KANTR: variants seen among roughly 807,000 people sequenced by gnomAD.
The protein encoded by KANTR is KANTR integral membrane protein.
chrX:53,112,118 AC>A (rs1464206599), intron 2 of KANTR, among the ~76,000 whole-genome samples: 10 of 108,096 alleles, frequency 9.3e-5, no homozygotes, highest in African/African-American at 3.4e-4. Flanking sequence ...TTTATCCCTC[AC>A]CCCCTCCCAC....
At chrX:53,108,547 C>T (rs1556813231) in intron 2 of KANTR, among the ~76,000 whole-genome samples, 1 of 111,765 alleles carries the variant, frequency 8.9e-6, no homozygotes, top group Non-Finnish European at 1.9e-5. Flanking sequence ...CATAGAAATA[C>T]AATAGATTTT....
chrX:53,100,559 G>A (rs1932882353), intron 2 of KANTR, among the ~76,000 whole-genome samples: 1 of 111,309 alleles, frequency 9.0e-6, no homozygotes, highest in African/African-American at 3.3e-5. Flanking sequence ...CAGCACTTTG[G>A]GAGGCAGAGG....
chrX:53,139,151 G>A (rs1411590652), intron 2 of KANTR, among the ~76,000 whole-genome samples: 2 of 108,043 alleles, frequency 1.9e-5, no homozygotes, highest in African/African-American at 6.9e-5. Context: ...AACTCGGAAG[G>A]CAGAGGTTGC....
chrX:53,121,063 A>G (rs1281459684), intron 2 of KANTR, among the ~76,000 whole-genome samples: 6 of 110,004 alleles, frequency 5.5e-5, no homozygotes, highest in African/African-American at 1.7e-4. Context: ...CAGTGGCGCC[A>G]TCTCGGCTCA....
chrX:53,116,092 G>A (rs186268409), intron 2 of KANTR, among the ~76,000 whole-genome samples: 2 of 111,761 alleles, frequency 1.8e-5, no homozygotes, highest in Non-Finnish European at 3.8e-5. Flanking sequence ...GCATTATGTG[G>A]CCTCTGAGTT....
intron 2 of KANTR, among the ~76,000 whole-genome samples, chrX:53,136,810 C>G (rs1165848614): frequency 1.1e-5 from 1 of 90,413 alleles, no homozygotes; most frequent in South Asian, 5.9e-4. Flanking sequence ...ATGGCACAAT[C>G]TCGGCTTACC....
chrX:53,136,224 AGTTT>A (rs1933417612), intron 2 of KANTR, among the ~76,000 whole-genome samples: 1 of 110,836 alleles, frequency 9.0e-6, no homozygotes, highest in African/African-American at 3.3e-5. Context: ...AGCAACAGAG[AGTTT>A]GTTTCTTTTT....
At chrX:53,143,004 CATG>C (rs1933524944), downstream of KANTR, 4 of 1,148,678 alleles carry the variant, frequency 3.5e-6, no homozygotes, top group South Asian at 1.8e-5. Context: ...TGCCAGGGCA[CATG>C]GTGGTGCTGC....
chrX:53,143,094 G>T (rs1392536119), downstream of KANTR: 16 of 1,192,586 alleles, frequency 1.3e-5, no homozygotes, highest in Non-Finnish European at 1.8e-5. Context: ...AGGTGGTCTT[G>T]TGGATGCCGC....
At chrX:53,131,887 C>T (rs1933364506), downstream of KANTR, among the ~76,000 whole-genome samples, 1 of 111,922 alleles carries the variant, frequency 8.9e-6, no homozygotes, top group Non-Finnish European at 1.9e-5. Context: ...CTGAGTCCAC[C>T]AAAAATAAAA....
chrX:53,108,263 G>A (rs1353250863), intron 2 of KANTR, among the ~76,000 whole-genome samples: 1 of 107,432 alleles, frequency 9.3e-6, no homozygotes, highest in Admixed American at 1.0e-4. Flanking sequence ...GTGCAGTGGC[G>A]TGATCTCAGC....
At chrX:53,124,059 C>G in exon 3 of KANTR, 1 of 137,317 alleles carries the variant, frequency 7.3e-6, no homozygotes, top group Non-Finnish European at 1.2e-5. Flanking sequence ...AATCTGCCTG[C>G]TATTTTTTGT....
intron 2 of KANTR, among the ~76,000 whole-genome samples, chrX:53,119,657 A>G (rs1272425963): frequency 1.8e-5 from 2 of 112,040 alleles, no homozygotes; most frequent in African/African-American, 6.5e-5. Flanking sequence ...TGATAAAGCA[A>G]AATCTTCCCA....
In KANTR at chrX:53,097,354, T is replaced by TTTTTTG. The variant is rs1347161873; in HGVS notation, c.-941-2113_-941-2112insGTTTTT. 4.8e-5 allele frequency among the ~76,000 whole-genome samples: 4 copies of TTTTTTG among 83,537 alleles called. 1 individual carries two copies. Among genetic ancestry groups the TTTTTTG allele is most frequent in the Non-Finnish European group, 9.9e-5 (4 of 40,409 alleles). 72.5% of individuals were successfully genotyped at this position (83,537 alleles called of 115,157 possible). A position where few individuals can be genotyped will look rare whatever the true frequency, so the allele number is the denominator to read the frequency against. The stretch of plus-strand genomic sequence containing the variant: ...CCCTTTTTTCATTTGTTTTAAGTTT[T>TTTTTTG]TTTTTTTTTTTTTTTTGAGACAGAA... On this transcript the variant is annotated intron_variant, in intron 1 of 2. Transcript: ENST00000604062.
chrX:53,140,500 CAAA>C (rs782805364), intron 2 of KANTR, among the ~76,000 whole-genome samples: 2 of 42,463 alleles, frequency 4.7e-5, no homozygotes, highest in Admixed American at 2.8e-4. Context: ...GACTCTGTCT[CAAA>C]AAAAAAAAAA....
rs1219447596 is a variant in KANTR, at chrX:53,111,148, A to C, written c.-805+11540A>C. On this transcript the variant is annotated intron_variant, in intron 2 of 2. Coordinates refer to ENST00000604062, the Ensembl canonical transcript of KANTR. ...CCACCTCAGCCTCCTGAATAGCTGC[A>C]ACTAGAGGCATGCAACGACCACACC... Among the ~76,000 whole-genome samples the C allele has an allele frequency of 5.5e-5, 6 of 108,184 alleles. No individual in the cohort carries two copies. In the East Asian group the frequency reaches 1.8e-3, roughly 32 times the overall value. 93.9% of individuals were successfully genotyped at this position (108,184 alleles called of 115,157 possible).
intron 2 of KANTR, among the ~76,000 whole-genome samples, chrX:53,119,081 C>G (rs1190513645): frequency 1.1e-5 from 1 of 91,910 alleles, no homozygotes; most frequent in Non-Finnish European, 2.1e-5. Flanking sequence ...GGGTCTCACT[C>G]TTTCACCCAG....
chrX:53,131,594 CT>C (rs1474897186), downstream of KANTR, among the ~76,000 whole-genome samples: 2 of 111,949 alleles, frequency 1.8e-5, no homozygotes, highest in Non-Finnish European at 3.8e-5. Flanking sequence ...ACAAAAACCT[CT>C]TGGCAAACTA....
intron 2 of KANTR, among the ~76,000 whole-genome samples, chrX:53,141,043 C>A: frequency 8.9e-6 from 1 of 111,976 alleles, no homozygotes; most frequent in Non-Finnish European, 1.9e-5. Flanking sequence ...TGCCTATAAT[C>A]CTAGCTACTC....
Sources: allele counts gnomAD v4.1 joint callset (sites outside exome capture counted in the v4.1 genomes callset), GRCh38; gene constraint gnomAD v4.1.1; transcripts MANE v1.5; gene names NCBI Gene and HGNC (gene_info 2026-07-23, HGNC 2026-07-21).